Variants in TENM3 observed in about 807,000 individuals in gnomAD.
TENM3 encodes the protein teneurin-3.
In TENM3, 63 loss-of-function variants were observed where a neutral mutation model predicts 255.1. The observed-to-expected ratio is 0.25, with a 90% CI of 0.20 to 0.30. The LOEUF (loss-of-function observed/expected upper bound fraction) is 0.30, where lower values mean the gene tolerates loss of function less well. TENM3 is among the 10% of genes least tolerant of loss of function. The pLI, the probability that TENM3 is intolerant of heterozygous loss-of-function variation, is 1.00. For synonymous variants in TENM3, 1,306 were observed against 1,322.3 expected (o/e 0.99, Z 0.27); for missense variants, 2,929 against 3,461.1 (o/e 0.85, Z 3.86).
chr4:181,805,031 C>G, the TENM3 span, among the ~76,000 whole-genome samples: 9 of 152,260 alleles, frequency 5.9e-5, no homozygotes, highest in East Asian at 1.6e-3. Flanking sequence ...CTGCTTCTCT[C>G]TGCCCCTGCT....
chr4:182,050,325 C>T, the TENM3 span, among the ~76,000 whole-genome samples: 1 of 151,848 alleles, frequency 6.6e-6, no homozygotes, highest in Non-Finnish European at 1.5e-5. Context: ...TTGTGTGTAT[C>T]CCTTGTTGGA....
chr4:182,250,054 CTTT>C (rs957483629), intron 1 of TENM3, among the ~76,000 whole-genome samples: 3 of 128,426 alleles, frequency 2.3e-5, no homozygotes, highest in Admixed American at 7.9e-5. Flanking sequence ...TTTCTTTTTT[CTTT>C]TTTTTTTTTT....
At chr4:181,583,043 C>T in the TENM3 span, among the ~76,000 whole-genome samples, 9 of 152,072 alleles carry the variant, frequency 5.9e-5, no homozygotes, top group Non-Finnish European at 4.4e-5. Flanking sequence ...CATCTTTGGG[C>T]AGATATTCAA....
upstream of TENM3, among the ~76,000 whole-genome samples, chr4:182,239,185 T>G (rs954735464): frequency 6.6e-6 from 1 of 151,938 alleles, no homozygotes; most frequent in Non-Finnish European, 1.5e-5. Flanking sequence ...CAAGTGATTC[T>G]CCTGTCTTAG....
chr4:182,309,491 A>G (rs895950813), intron 1 of TENM3, among the ~76,000 whole-genome samples: 18 of 152,026 alleles, frequency 1.2e-4, no homozygotes, highest in African/African-American at 4.3e-4. Flanking sequence ...CAGTCTGGAG[A>G]CTCTTCATCA....
chr4:181,848,828 G>A, the TENM3 span, among the ~76,000 whole-genome samples: 3 of 152,242 alleles, frequency 2.0e-5, no homozygotes, highest in East Asian at 3.9e-4. Flanking sequence ...CTAATTTTTC[G>A]AATGTCAAAC....
chr4:181,848,755 G>A, the TENM3 span, among the ~76,000 whole-genome samples: 196 of 152,280 alleles, frequency 1.3e-3, 1 homozygote, highest in African/African-American at 4.6e-3. Context: ...AGGGATGTAA[G>A]AATGTGTTTA....
At chr4:182,374,763 T>C (rs1026582683) in intron 3 of TENM3, among the ~76,000 whole-genome samples, 27 of 152,316 alleles carry the variant, frequency 1.8e-4, no homozygotes, top group African/African-American at 5.8e-4. Context: ...AGAAAATTTT[T>C]CCCCCAATTC....
intron 6 of TENM3, among the ~76,000 whole-genome samples, chr4:182,660,531 G>A (rs1051529457): frequency 6.6e-6 from 1 of 152,284 alleles, no homozygotes; most frequent in East Asian, 1.9e-4. Context: ...ATGCATATCA[G>A]TGATTGTTTG....
the TENM3 span, among the ~76,000 whole-genome samples, chr4:181,873,816 A>T: frequency 5.9e-5 from 9 of 151,542 alleles, no homozygotes; most frequent in African/African-American, 1.9e-4. Flanking sequence ...TTGTTTTGAG[A>T]TGGAGTCACC....
intron 1 of TENM3, among the ~76,000 whole-genome samples, chr4:182,207,077 C>G (rs1338174202): frequency 6.6e-6 from 1 of 152,168 alleles, no homozygotes. Flanking sequence ...TACAGGAACC[C>G]AGCAGGGCAA....
chr4:182,666,036 G>T (rs1310863732), intron 6 of TENM3, among the ~76,000 whole-genome samples: 1 of 152,106 alleles, frequency 6.6e-6, no homozygotes, highest in African/African-American at 2.4e-5. Flanking sequence ...GACTTTGAGG[G>T]TTCACACTTC....
the TENM3 span, among the ~76,000 whole-genome samples, chr4:181,743,661 C>T: frequency 1.3e-5 from 2 of 150,996 alleles, no homozygotes; most frequent in Non-Finnish European, 2.9e-5. Flanking sequence ...GCAAGAGTGG[C>T]GGGACAGCCA....
At chr4:182,228,388 G>GTATATATATATA (rs1561218901) in intron 1 of TENM3, among the ~76,000 whole-genome samples, 4 of 85,926 alleles carry the variant, frequency 4.7e-5, no homozygotes, top group Admixed American at 1.2e-4. Context: ...GTGTGTGTGT[G>GTATATATATATA]TGTGTATATG....
chr4:182,159,363 G>A (rs542666652), intron 1 of TENM3, among the ~76,000 whole-genome samples: 23 of 152,256 alleles, frequency 1.5e-4, no homozygotes, highest in African/African-American at 5.5e-4. Context: ...CCTCTTGTGG[G>A]GTGGCTGTGA....
chr4:182,549,467 C>A (rs2151924986), intron 3 of TENM3, among the ~76,000 whole-genome samples: 1 of 151,366 alleles, frequency 6.6e-6, no homozygotes, highest in Non-Finnish European at 1.5e-5. Flanking sequence ...GATTTCAGAA[C>A]TCTTTAAGCG....
At chr4:182,476,327 G>C (rs1161931288) in intron 3 of TENM3, among the ~76,000 whole-genome samples, 1 of 152,158 alleles carries the variant, frequency 6.6e-6, no homozygotes, top group African/African-American at 2.4e-5. Flanking sequence ...TGTGGCAGTG[G>C]TTATGTGTAT....
At chr4:182,769,315 C>A (rs746221330) in intron 22 of TENM3, among the ~76,000 whole-genome samples, 38 of 152,240 alleles carry the variant, frequency 2.5e-4, no homozygotes, top group Middle Eastern at 6.8e-3. Flanking sequence ...TTCTTTCACT[C>A]CCTTAGTCAG....
rs150373149 is a variant in TENM3, at chr4:182,744,939, G to A, written c.3629+1520G>A. Among the ~76,000 whole-genome samples, 758 of 151,774 alleles carry A rather than the reference G, an allele frequency of 5.0e-3. 9 individuals carry two copies. The highest frequency in any genetic ancestry group is 0.018 in the African/African-American group (730 of 41,392). The stretch of plus-strand genomic sequence containing the variant: ...CACATTTGATTGAAAAACTTTGCTC[G>A]GGATAGAAAAAAAAAGGCGGAGGAA... On this transcript the variant is annotated intron_variant, in intron 19 of 27. Coordinates refer to ENST00000511685, the MANE Select transcript of TENM3 (RefSeq NM_001080477.4).
Sources: gnomAD v4.1 joint callset for allele counts (sites outside exome capture counted in the v4.1 genomes callset) on GRCh38, gnomAD v4.1.1 for gene constraint, MANE v1.5 for transcripts, NCBI Gene and HGNC (gene_info 2026-07-23, HGNC 2026-07-21) for gene names.